Variants in KCNB2 observed in about 807,000 individuals in gnomAD.
KCNB2 encodes potassium voltage-gated channel subfamily B member 2.
A neutral mutation model predicts 61.5 loss-of-function variants in KCNB2; 15 were observed. That is an observed-to-expected ratio of 0.24 (90% CI 0.16 to 0.38). KCNB2 has a LOEUF of 0.38. Ranked by LOEUF, KCNB2 falls within the 10% of genes least tolerant of loss-of-function variation. The pLI is 1.00. For missense variants in KCNB2, 828 were observed against 1,125.2 expected, an observed-to-expected ratio of 0.74 and a Z score of 3.78; for synonymous variants, 457 against 446.0, an observed-to-expected ratio of 1.02 and a Z score of -0.31.
intron 2 of KCNB2, among the ~76,000 whole-genome samples, chr8:72,603,556 A>C (rs146683584): frequency 7.0e-4 from 106 of 152,208 alleles, no homozygotes; most frequent in African/African-American, 2.4e-3. Flanking sequence ...TTTTGCTGAT[A>C]CTCATTTCTT....
At chr8:72,728,945 A>G (rs1807694900) in intron 2 of KCNB2, among the ~76,000 whole-genome samples, 1 of 152,140 alleles carries the variant, frequency 6.6e-6, no homozygotes, top group Admixed American at 6.6e-5. Context: ...ACTATAAACA[A>G]GAGTACAACG....
rs892163901 is a variant in KCNB2, at chr8:72,927,472, T to C, written c.580-8463T>C. 3.9e-5 allele frequency among the ~76,000 whole-genome samples: 6 copies of C among 152,154 alleles called. No homozygotes were observed. The South Asian group carries it at 1.2e-3, about 31-fold the overall frequency. On this transcript the variant is annotated intron_variant, in intron 2 of 2. Transcript: ENST00000523207. ...GTTTAGTAGAGACAGGGTTTCACTG[T>C]GTTGGTCAGGCTGGTCTTGAACTCC...
intron 2 of KCNB2, among the ~76,000 whole-genome samples, chr8:72,794,828 C>T (rs1809004210): frequency 6.6e-6 from 1 of 152,078 alleles, no homozygotes; most frequent in Middle Eastern, 3.2e-3. Context: ...ATTGAGATGG[C>T]TTAAGAGTAT....
rs58295634 is a variant in KCNB2, at chr8:72,579,540, A to G, written c.579+11227A>G. ...ATAATACTTTTCCTCTCCCTTTGAG[A>G]GAAGCTGATTCTTCACCCACCCTCT... On this transcript the variant is annotated intron_variant, in intron 2 of 2. Coordinates refer to ENST00000523207, the MANE Select transcript of KCNB2 (RefSeq NM_004770.3). Among the ~76,000 whole-genome samples the G allele has an allele frequency of 7.0e-3, 1,064 of 152,280 alleles. 15 individuals are homozygous for G. The highest frequency in any genetic ancestry group is 0.025 in the African/African-American group (1,018 of 41,536).
chr8:72,913,627 G>A (rs1563422282), intron 2 of KCNB2, among the ~76,000 whole-genome samples: 2 of 152,144 alleles, frequency 1.3e-5, no homozygotes, highest in Non-Finnish European at 2.9e-5. Flanking sequence ...ATGAGACAGA[G>A]GGCCACAATG....
At chr8:72,790,178 C>T (rs183532869) in intron 2 of KCNB2, among the ~76,000 whole-genome samples, 1 of 152,244 alleles carries the variant, frequency 6.6e-6, no homozygotes, top group East Asian at 1.9e-4. Context: ...GAAGTCAGGG[C>T]TGGAAGTGGT....
intron 2 of KCNB2, among the ~76,000 whole-genome samples, chr8:72,614,423 G>A (rs1805586781): frequency 6.6e-6 from 1 of 152,164 alleles, no homozygotes; most frequent in African/African-American, 2.4e-5. Context: ...CCCTGTAAAG[G>A]TAGACAAGGT....
chr8:72,912,761 C>T (rs903839401), intron 2 of KCNB2, among the ~76,000 whole-genome samples: 1 of 151,994 alleles, frequency 6.6e-6, no homozygotes, highest in Non-Finnish European at 1.5e-5. Context: ...GATTTGGACC[C>T]ACATAGCCTG....
intron 2 of KCNB2, among the ~76,000 whole-genome samples, chr8:72,783,273 TAAGTC>T (rs1482721547): frequency 6.6e-6 from 1 of 152,152 alleles, no homozygotes; most frequent in Non-Finnish European, 1.5e-5. Flanking sequence ...TTTTAGAGCA[TAAGTC>T]AAGTCATGTC....
chr8:72,561,765 A>ATATATG (rs1806533224), intron 1 of KCNB2, among the ~76,000 whole-genome samples: 1 of 28,414 alleles, frequency 3.5e-5, no homozygotes, highest in African/African-American at 1.6e-4. Context: ...ATATATGGAT[A>ATATATG]TATATATATA....
intron 2 of KCNB2, among the ~76,000 whole-genome samples, chr8:72,596,821 G>T (rs1386898239): frequency 1.3e-5 from 2 of 151,886 alleles, no homozygotes; most frequent in Non-Finnish European, 2.9e-5. Context: ...TACTTTTTGG[G>T]GTTTTCCAAA....
At chr8:72,585,713 A>G (rs189067063) in intron 2 of KCNB2, among the ~76,000 whole-genome samples, 223 of 152,358 alleles carry the variant, frequency 1.5e-3, no homozygotes, top group Non-Finnish European at 5.9e-4. Flanking sequence ...TGGAAAAAAG[A>G]GAAAAACCTA....
chr8:72,693,229 A>G (rs964658922), intron 2 of KCNB2, among the ~76,000 whole-genome samples: 4 of 151,802 alleles, frequency 2.6e-5, no homozygotes, highest in African/African-American at 9.7e-5. Context: ...CTGTGTTTAC[A>G]TGGGAAGGGT....
At chr8:72,701,359 G>T (rs1437078353) in intron 2 of KCNB2, among the ~76,000 whole-genome samples, 3 of 152,162 alleles carry the variant, frequency 2.0e-5, no homozygotes, top group Non-Finnish European at 4.4e-5. Context: ...TAATAGTCAA[G>T]AAATTAACCA....
chr8:72,628,690 C>T (rs936469085), intron 2 of KCNB2, among the ~76,000 whole-genome samples: 1 of 152,108 alleles, frequency 6.6e-6, no homozygotes, highest in Non-Finnish European at 1.5e-5. Context: ...AAGCAGCTTC[C>T]AGCATGCCCC....
chr8:72,849,826 C>T (rs903599664), intron 2 of KCNB2, among the ~76,000 whole-genome samples: 2 of 152,250 alleles, frequency 1.3e-5, no homozygotes, highest in African/African-American at 4.8e-5. Context: ...GCTTGGGAGG[C>T]AGTCTGGAAT....
intron 2 of KCNB2, among the ~76,000 whole-genome samples, chr8:72,625,768 T>C (rs16938265): frequency 0.026 from 3,946 of 152,166 alleles, 72 homozygotes; most frequent in South Asian, 0.079. Flanking sequence ...GGAGGAAAAA[T>C]AATGCTGGAC....
chr8:72,551,728 G>T (rs188985142), intron 1 of KCNB2, among the ~76,000 whole-genome samples: 1 of 152,058 alleles, frequency 6.6e-6, no homozygotes, highest in Non-Finnish European at 1.5e-5. Flanking sequence ...AAAATTTCAG[G>T]CATTTACTCA....
intron 2 of KCNB2, among the ~76,000 whole-genome samples, chr8:72,764,545 TAG>T (rs1808432927): frequency 6.6e-6 from 1 of 152,304 alleles, no homozygotes; most frequent in East Asian, 1.9e-4. Context: ...CAGTTCTAAG[TAG>T]AGTCTATCCT....
Sources: gnomAD v4.1 joint callset for allele counts (sites outside exome capture counted in the v4.1 genomes callset) on GRCh38, gnomAD v4.1.1 for gene constraint, MANE v1.5 for transcripts, NCBI Gene and HGNC (gene_info 2026-07-23, HGNC 2026-07-21) for gene names.